MEGF10: variants seen among roughly 807,000 people sequenced by gnomAD.
MEGF10 encodes multiple EGF like domains 10.
In MEGF10, 86 loss-of-function variants were observed where a neutral mutation model predicts 147.5. The observed-to-expected ratio is 0.58, with a 90% confidence interval of 0.49 to 0.70. MEGF10 has a LOEUF of 0.70. Among genes scored for constraint, MEGF10 ranks in the 30% least tolerant of loss-of-function variants. The pLI is 0.00. For missense variants in MEGF10, 1,329 were observed against 1,487.3 expected, an observed-to-expected ratio of 0.89 and a Z score of 1.75; for synonymous variants, 478 against 525.5, an observed-to-expected ratio of 0.91 and a Z score of 1.24.
chr5:127,434,746 AGCAGCG>A lies in MEGF10; in HGVS notation c.1902_1907del (p.Ser634_Gly636delinsArg), dbSNP rs1765500157. The A allele has an allele frequency of 6.2e-7, 1 of 1,613,916 alleles. No homozygotes were observed. Among genetic ancestry groups the A allele is most frequent in the Admixed American group, 1.7e-5 (1 of 60,002 alleles). The stretch of plus-strand genomic sequence containing the variant: ...CCAGACATGCCCACAGTGCGTTCAC[AGCAGCG>A]GGCCCTGCCACCACATCACCGGCCT... On this transcript the variant is annotated inframe_deletion, in exon 15 of 25. Coordinates refer to ENST00000503335, the MANE Select transcript of MEGF10 (RefSeq NM_001256545.2).
rs113303048 is a variant in MEGF10 at position 127,340,428 on chromosome 5, A to G, written c.219-102A>G. ...TAGCAAATTGATGAGTTAGTATTAT[A>G]TTGGTCTAGACATGTATTCCATATT... On this transcript the variant is annotated intron_variant, in intron 3 of 24. Transcript: ENST00000503335. The G allele has an allele frequency of 4.8e-3, 3,746 of 775,874 alleles. 16 individuals are homozygous for G. Among genetic ancestry groups the G allele is most frequent in the Non-Finnish European group, 6.0e-3 (2,861 of 473,666 alleles). 48.1% of individuals were successfully genotyped at this position (775,874 alleles called of 1,614,324 possible).
At chr5:127,362,379 T>A (rs1762504407) in intron 4 of MEGF10, among the ~76,000 whole-genome samples, 1 of 150,956 alleles carries the variant, frequency 6.6e-6, no homozygotes, top group Non-Finnish European at 1.5e-5. Flanking sequence ...ATTATTATTT[T>A]TTTTTTTTGA....
At chr5:127,319,186 C>T (rs532875446) in intron 1 of MEGF10, among the ~76,000 whole-genome samples, 1 of 152,146 alleles carries the variant, frequency 6.6e-6, no homozygotes, top group African/African-American at 2.4e-5. Context: ...AGTGATTCTC[C>T]TGCTTCAGCC....
chr5:127,337,618 G>T (rs576775237), intron 2 of MEGF10, among the ~76,000 whole-genome samples: 1 of 152,180 alleles, frequency 6.6e-6, no homozygotes, highest in East Asian at 1.9e-4. Flanking sequence ...GCAGGCATTT[G>T]CACACTGTAT....
At chr5:127,293,578 A>C (rs1759361645) in intron 1 of MEGF10, among the ~76,000 whole-genome samples, 1 of 152,188 alleles carries the variant, frequency 6.6e-6, no homozygotes, top group South Asian at 2.1e-4. Flanking sequence ...TCTAATGCAA[A>C]ACTCAAGTCA....
intron 5 of MEGF10, among the ~76,000 whole-genome samples, chr5:127,394,490 T>C (rs765449878): frequency 1.3e-5 from 2 of 152,200 alleles, no homozygotes; most frequent in African/African-American, 2.4e-5. Context: ...CTCTTGAGGA[T>C]TGATGAATCA....
At chr5:127,341,107 A>G (rs1006479625) in intron 4 of MEGF10, among the ~76,000 whole-genome samples, 1 of 152,116 alleles carries the variant, frequency 6.6e-6, no homozygotes, top group Non-Finnish European at 1.5e-5. Flanking sequence ...CTGCATCACA[A>G]AATAGAACTT....
At chr5:127,412,132 A>G (rs996956009) in intron 9 of MEGF10, among the ~76,000 whole-genome samples, 3 of 152,254 alleles carry the variant, frequency 2.0e-5, no homozygotes, top group Non-Finnish European at 2.9e-5. Flanking sequence ...ATGTGTTAAC[A>G]AAGAAGTACA....
the MEGF10 span, among the ~76,000 whole-genome samples, chr5:127,248,528 G>GA: frequency 6.6e-6 from 1 of 151,946 alleles, no homozygotes; most frequent in Non-Finnish European, 1.5e-5. Context: ...TCTCAAAAGA[G>GA]AAAAGCAGGG....
At chr5:127,446,806 C>G (rs369553286) in intron 20 of MEGF10, among the ~76,000 whole-genome samples, 7 of 152,166 alleles carry the variant, frequency 4.6e-5, no homozygotes, top group African/African-American at 1.7e-4. Context: ...AACCCTGATC[C>G]TTTGATAAAG....
chr5:127,354,675 C>T (rs1286692819), intron 4 of MEGF10, among the ~76,000 whole-genome samples: 1 of 152,196 alleles, frequency 6.6e-6, no homozygotes, highest in Non-Finnish European at 1.5e-5. Context: ...CTGAATCACA[C>T]ACCTGGCTAA....
At chr5:127,397,403 C>T (rs1359318447) in intron 6 of MEGF10, among the ~76,000 whole-genome samples, 3 of 152,192 alleles carry the variant, frequency 2.0e-5, no homozygotes, top group African/African-American at 7.2e-5. Flanking sequence ...CAAGCAACTA[C>T]TTAACCTCCA....
At chr5:127,422,292 G>A (rs1210430898) in intron 12 of MEGF10, among the ~76,000 whole-genome samples, 8 of 152,050 alleles carry the variant, frequency 5.3e-5, no homozygotes, top group African/African-American at 1.7e-4. Context: ...AGGCTGAGGC[G>A]AGTGGATCAC....
At chr5:127,309,645 T>C (rs757032946) in intron 1 of MEGF10, among the ~76,000 whole-genome samples, 1 of 152,210 alleles carries the variant, frequency 6.6e-6, no homozygotes, top group Non-Finnish European at 1.5e-5. Flanking sequence ...GGCTAAATAA[T>C]ATTCAGTTGT....
chr5:127,372,543 C>T (rs1336933884), intron 5 of MEGF10, among the ~76,000 whole-genome samples: 2 of 152,214 alleles, frequency 1.3e-5, no homozygotes, highest in Non-Finnish European at 2.9e-5. Context: ...CAGGCCAACA[C>T]ACTACATTTC....
chr5:127,300,349 C>CT (rs1275377782), intron 1 of MEGF10, among the ~76,000 whole-genome samples: 7 of 152,124 alleles, frequency 4.6e-5, no homozygotes, highest in Admixed American at 3.3e-4. Flanking sequence ...AGGTACAGCA[C>CT]TTTTTTTAAA....
chr5:127,311,578 T>C (rs1414538535), intron 1 of MEGF10, among the ~76,000 whole-genome samples: 1 of 152,202 alleles, frequency 6.6e-6, no homozygotes, highest in Non-Finnish European at 1.5e-5. Context: ...AAAATGGTTT[T>C]GTGTGCCAAT....
the MEGF10 span, among the ~76,000 whole-genome samples, chr5:127,273,578 TATGA>T: frequency 2.0e-5 from 3 of 152,238 alleles, no homozygotes; most frequent in African/African-American, 7.2e-5. Context: ...CTGCACTACT[TATGA>T]GATATTTTCA....
intron 5 of MEGF10, among the ~76,000 whole-genome samples, chr5:127,390,512 A>G (rs1763606729): frequency 1.3e-5 from 2 of 152,058 alleles, no homozygotes; most frequent in Non-Finnish European, 2.9e-5. Context: ...GCTGGTCTCT[A>G]ACTCCTGACC....
Sources: gnomAD v4.1 joint callset for allele counts (sites outside exome capture counted in the v4.1 genomes callset) on GRCh38, gnomAD v4.1.1 for gene constraint, MANE v1.5 for transcripts, NCBI Gene and HGNC (gene_info 2026-07-23, HGNC 2026-07-21) for gene names.